Variants in ZBTB8B observed in about 807,000 individuals in gnomAD.
The protein encoded by ZBTB8B is zinc finger and BTB domain containing 8B, also known as zinc finger and BTB domain-containing protein 8B.
ZBTB8B carries 17 observed loss-of-function variants against 30.3 expected under a neutral mutation model. The ratio of observed to expected loss-of-function variants is 0.56; its 90% CI spans 0.38 to 0.84. The LOEUF is 0.84. Ranked by LOEUF, ZBTB8B falls within the 40% of genes least tolerant of loss-of-function variation. The pLI is 0.00. For missense variants in ZBTB8B, 515 were observed against 644.9 expected (o/e 0.80, Z 2.18); for synonymous variants, 248 against 255.6 (o/e 0.97, Z 0.28).
intron 3 of ZBTB8B, among the ~76,000 whole-genome samples, chr1:32,483,224 C>G: frequency 7.5e-6 from 1 of 133,250 alleles, no homozygotes. Flanking sequence ...TGTGGCGAAA[C>G]CCCTTATCTA....
intron 3 of ZBTB8B, among the ~76,000 whole-genome samples, chr1:32,481,664 C>T (rs1460847656): frequency 6.6e-6 from 1 of 152,082 alleles, no homozygotes; most frequent in East Asian, 1.9e-4. Context: ...CAGGGGTAAA[C>T]GAGAAGGTTT....
chr1:32,479,837 A>G (rs1643691335), intron 2 of ZBTB8B, among the ~76,000 whole-genome samples: 1 of 152,242 alleles, frequency 6.6e-6, no homozygotes, highest in South Asian at 2.1e-4. Flanking sequence ...TAATGGTTAT[A>G]TGAGCAAGGT....
At chr1:32,481,435 C>G (rs184164962) in intron 3 of ZBTB8B, among the ~76,000 whole-genome samples, 2 of 151,906 alleles carry the variant, frequency 1.3e-5, no homozygotes, top group Non-Finnish European at 2.9e-5. Context: ...AGTTTCCCAC[C>G]GAGCCCCAGC....
In ZBTB8B at chr1:32,470,644, A is replaced by G. The variant is rs1322039861; in HGVS notation, c.20A>G (p.Tyr7Cys). Residue 7 changes from tyrosine (Y) to cysteine (C), a missense_variant, in exon 2 of 4, where the codon TAT becomes TGT. Transcript: ENST00000609129. Reference protein sequence around the residue: MEMQSYYAKLLGELNEQ... With the variant: MEMQSYCAKLLGELNEQ... ...GGAGCAATGGAGATGCAATCCTATT[A>G]TGCCAAGCTTTTGGGGGAGCTGAAT... The G allele has an allele frequency of 1.3e-6, 2 of 1,551,278 alleles. No homozygotes were observed. The highest frequency in any genetic ancestry group is 2.4e-5 in the East Asian group (1 of 40,906).
rs1312915601 is a variant in ZBTB8B, at chr1:32,471,137, T to C, written c.513T>C (p.Gly171=). The part of the protein sequence containing the change: ...PSSGREGTSC[G]TKSLVSSPAE... ...CAGGCCGGGAGGGGACCTCCTGTGG[T>C]ACCAAGAGCTTGGTCTCCTCTCCAG... Residue 171 remains glycine (G), a synonymous_variant, in exon 2 of 4, where the codon GGT becomes GGC. Coordinates refer to ENST00000609129, the MANE Select transcript of ZBTB8B (RefSeq NM_001145720.2). The C allele has an allele frequency of 4.5e-6, 7 of 1,551,502 alleles. No homozygotes were observed. In the African/African-American group the frequency reaches 8.2e-5, roughly 18 times the overall value.
At position 32,492,881 on chromosome 1, in the gene ZBTB8B, C is replaced by T. The variant is rs534937193; in HGVS notation, c.*7463C>T. ...GGACAAGCACAGGGTACTCTGAGAA[C>T]GCGTGGGTCGGGTACCTAGCCAGTC... On this transcript the variant is annotated 3_prime_UTR_variant, in exon 4 of 4. Transcript: ENST00000609129. The T allele has an allele frequency of 7.2e-5, 11 of 152,182 alleles. No homozygotes were observed. Among genetic ancestry groups the T allele is most frequent in the South Asian group, 2.1e-4 (1 of 4,808 alleles). 9.4% of individuals were successfully genotyped at this position (152,182 alleles called of 1,614,324 possible). A position where few individuals can be genotyped will look rare whatever the true frequency, so the allele number is the denominator to read the frequency against.
chr1:32,487,985 CCCAACACTTTGGGAGG>C lies in ZBTB8B; in HGVS notation c.*2572_*2587del, dbSNP rs1340693410. 1 of 152,178 alleles carries C rather than the reference CCCAACACTTTGGGAGG, an allele frequency of 6.6e-6. No homozygotes were observed. The highest frequency in any genetic ancestry group is 1.9e-4 in the East Asian group (1 of 5,196). 9.4% of individuals were successfully genotyped at this position (152,178 alleles called of 1,614,324 possible). A position where few individuals can be genotyped will look rare whatever the true frequency, so the allele number is the denominator to read the frequency against. On this transcript the variant is annotated 3_prime_UTR_variant, in exon 4 of 4. Coordinates refer to ENST00000609129, the MANE Select transcript of ZBTB8B (RefSeq NM_001145720.2). ...AGGCGCAGTGGCTCACGCCTGTAAT[CCCAACACTTTGGGAGG>C]CCAAGGCAGGTGGATCACCTGAGGT...
rs1557680864 is a variant in ZBTB8B, at chr1:32,471,047, A to AGCGGCGGCG, written c.426_434dup (p.Ala151_Ala153dup). Reference sequence around the variant, plus strand: ...CTGTGGCTGCAGCAGTGGCGGCGGCAGCGGCGGCGGCTGCAGCGGCGGCAG... The same window carrying AGCGGCGGCG: ...CTGTGGCTGCAGCAGTGGCGGCGGCAGCGGCGGCGGCGGCGGCGGCTGCAGCGGCGGCAG... On this transcript the variant is annotated inframe_insertion, in exon 2 of 4. Coordinates refer to ENST00000609129, the MANE Select transcript of ZBTB8B (RefSeq NM_001145720.2). 6.5e-7 allele frequency: 1 copy of AGCGGCGGCG among 1,548,208 alleles called. No homozygotes were observed. Among genetic ancestry groups the AGCGGCGGCG allele is most frequent in the African/African-American group, 1.4e-5 (1 of 72,952 alleles).
chr1:32,485,616 C>A lies in ZBTB8B; in HGVS notation c.*198C>A. The A allele has an allele frequency of 1.6e-6, 1 of 614,770 alleles. No homozygotes were observed. Among genetic ancestry groups the A allele is most frequent in the Non-Finnish European group, 2.8e-6 (1 of 360,138 alleles). The allele number at this position is 614,770 out of a possible 1,614,324, so 38.1% of individuals were successfully genotyped here. ...ACAGATAACCTTTTTGTGTGGTGCCCTTGGTTTCTGAGGGCTTTGCTGGCC... is the reference window on the plus strand; with the variant it reads ...ACAGATAACCTTTTTGTGTGGTGCCATTGGTTTCTGAGGGCTTTGCTGGCC... On this transcript the variant is annotated 3_prime_UTR_variant, in exon 4 of 4. Coordinates refer to ENST00000609129, the MANE Select transcript of ZBTB8B (RefSeq NM_001145720.2).
Position 32,474,343 on chromosome 1 carries a change from C to CAAAAAAAAAA in ZBTB8B, c.991+2758_991+2767dup, listed in dbSNP as rs57001984. ...GCAAGATGGCAAAACCCCATCTCTA[C>CAAAAAAAAAA]AAAAAAAAAAAAAAAAAAAAAAAAA... is the stretch of plus-strand genomic sequence containing the variant. On this transcript the variant is annotated intron_variant, in intron 2 of 3. Transcript: ENST00000609129. Among the ~76,000 whole-genome samples the CAAAAAAAAAA allele has an allele frequency of 2.1e-3, 83 of 39,182 alleles. 2 individuals carry two copies. The highest frequency in any genetic ancestry group is 0.019 in the Middle Eastern group (1 of 54). 25.7% of individuals were successfully genotyped at this position (39,182 alleles called of 152,430 possible).
intron 2 of ZBTB8B, among the ~76,000 whole-genome samples, chr1:32,480,425 G>A (rs1387138776): frequency 1.3e-5 from 2 of 152,050 alleles, no homozygotes; most frequent in African/African-American, 4.8e-5. Context: ...CCTTCTTAAG[G>A]GCTTTATCTC....
At position 32,495,958 on chromosome 1, in the gene ZBTB8B, C is replaced by T. The variant is rs2148190966; in HGVS notation, c.*10540C>T. ...CGTCTCACATTAATGAGTGAATAAC[C>T]CTTCATAATTTTAGTTACTGTTTTT... On this transcript the variant is annotated 3_prime_UTR_variant, in exon 4 of 4. Coordinates refer to ENST00000609129, the MANE Select transcript of ZBTB8B (RefSeq NM_001145720.2). 1 of 151,820 alleles carries T rather than the reference C, an allele frequency of 6.6e-6. No individual in the cohort carries two copies. The highest frequency in any genetic ancestry group is 1.5e-5 in the Non-Finnish European group (1 of 67,926). 9.4% of individuals were successfully genotyped at this position (151,820 alleles called of 1,614,324 possible).
Position 32,487,053 on chromosome 1 carries a change from T to C in ZBTB8B, c.*1635T>C, listed in dbSNP as rs2148187617. On this transcript the variant is annotated 3_prime_UTR_variant, in exon 4 of 4. Transcript: ENST00000609129. ...TCCATAATTTTGTCTTATGTTAAAA[T>C]ATCCAAAATGGATTTTAAAAGAAAT... 1 of 152,356 alleles carries C rather than the reference T, an allele frequency of 6.6e-6. No homozygotes were observed. The highest frequency in any genetic ancestry group is 1.9e-4 in the East Asian group (1 of 5,196). The allele number at this position is 152,356 out of a possible 1,614,324, so 9.4% of individuals were successfully genotyped here.
chr1:32,472,415 AC>A (rs1643631224), intron 2 of ZBTB8B, among the ~76,000 whole-genome samples: 1 of 152,178 alleles, frequency 6.6e-6, no homozygotes, highest in African/African-American at 2.4e-5. Flanking sequence ...AGTTTTCAGA[AC>A]TTTTTCTCAC....
Position 32,485,307 on chromosome 1 carries a change from T to C in ZBTB8B, c.1377T>C (p.Asn459=). ...GCCAAGAAAAGAGCGACACAGACAA[T>C]GACTGGCCAATCTATGTGGAGTCGG... is the stretch of plus-strand genomic sequence containing the variant. The part of the protein sequence containing the change: ...SESQEKSDTD[N]DWPIYVESGE... The change falls in exon 4 of 4, where the codon AAT becomes AAC. Residue 459 remains asparagine, a synonymous_variant. Coordinates refer to ENST00000609129, the MANE Select transcript of ZBTB8B (RefSeq NM_001145720.2). The C allele has an allele frequency of 6.4e-7, 1 of 1,552,264 alleles. No individual in the cohort carries two copies. Among genetic ancestry groups the C allele is most frequent in the Non-Finnish European group, 8.7e-7 (1 of 1,147,126 alleles).
intron 1 of ZBTB8B, among the ~76,000 whole-genome samples, chr1:32,469,519 T>C (rs1176324714): frequency 2.0e-5 from 3 of 152,112 alleles, no homozygotes; most frequent in African/African-American, 7.2e-5. Flanking sequence ...CCTCCCAAAG[T>C]GCTAGGATTA....
rs1420518560 is a variant in ZBTB8B at position 32,489,194 on chromosome 1, G to T, written c.*3776G>T. On this transcript the variant is annotated 3_prime_UTR_variant, in exon 4 of 4. Transcript: ENST00000609129. ...GCTGAGGCCAGATGGTTCATAGCTTGCCCAAGATCTGATTTAGGTTTATAA... is the reference window on the plus strand; with the variant it reads ...GCTGAGGCCAGATGGTTCATAGCTTTCCCAAGATCTGATTTAGGTTTATAA... 2 of 152,186 alleles carry T rather than the reference G, an allele frequency of 1.3e-5. No individual in the cohort carries two copies. Among genetic ancestry groups the T allele is most frequent in the Non-Finnish European group, 2.9e-5 (2 of 68,042 alleles). The allele number at this position is 152,186 out of a possible 1,614,324, so 9.4% of individuals were successfully genotyped here. A position where few individuals can be genotyped will look rare whatever the true frequency, so the allele number is the denominator to read the frequency against.
At chr1:32,467,264 A>T (rs1643578659) in intron 1 of ZBTB8B, among the ~76,000 whole-genome samples, 1 of 140,332 alleles carries the variant, frequency 7.1e-6, no homozygotes, top group Non-Finnish European at 1.5e-5. Context: ...TTTTTTTGAG[A>T]TGGAGTCTCG....
In ZBTB8B at chr1:32,471,601, A is replaced by G. The variant is rs1234240675; in HGVS notation, c.977A>G (p.Tyr326Cys). The G allele has an allele frequency of 6.4e-7, 1 of 1,550,874 alleles. No homozygotes were observed. Among genetic ancestry groups the G allele is most frequent in the Admixed American group, 2.0e-5 (1 of 50,990 alleles). ...ATGATGGATGTCCAGGCTGACTGGT[A>G]TGGAGAGGACTCAGGTGAGCTCCCT... ...SSMMDVQADWYGEDSGDVLVV... is the reference protein window; with the variant it reads ...SSMMDVQADWCGEDSGDVLVV... The change falls in exon 2 of 4, where the codon TAT becomes TGT. Residue 326 changes from tyrosine (Y) to cysteine (C), a missense_variant. Tyr to Cys is a radical substitution (Grantham distance 194). Transcript: ENST00000609129.
Sources: allele counts gnomAD v4.1 joint callset (sites outside exome capture counted in the v4.1 genomes callset), GRCh38; gene constraint gnomAD v4.1.1; transcripts MANE v1.5; gene names NCBI Gene and HGNC (gene_info 2026-07-23, HGNC 2026-07-21).